WWOX: variants seen among roughly 807,000 people sequenced by gnomAD.
WWOX encodes WW domain containing oxidoreductase.
WWOX carries 69 observed loss-of-function variants against 46.2 expected under a neutral mutation model. That is an observed-to-expected ratio of 1.49 (90% confidence interval 1.23 to 1.82). The LOEUF (loss-of-function observed/expected upper bound fraction) is 1.82. Among genes scored for constraint, WWOX ranks in the 40% most tolerant of loss-of-function variants. The probability of loss-of-function intolerance (pLI) is 0.00; values close to 1 mark genes in which losing one functional copy is unlikely to be tolerated. For missense variants in WWOX, 919 were observed against 542.6 expected, an observed-to-expected ratio of 1.69 and a Z score of -6.89; for synonymous variants, 359 against 202.6, an observed-to-expected ratio of 1.77 and a Z score of -6.56.
At chr16:78,825,526 T>C (rs929595543) in intron 8 of WWOX, 3 of 519,660 alleles carry the variant, frequency 5.8e-6, no homozygotes, top group Non-Finnish European at 1.2e-5. Context: ...CCACAGGGCA[T>C]TGTAGAGCTT....
At chr16:78,570,857 G>A (rs1373306928) in intron 8 of WWOX, among the ~76,000 whole-genome samples, 2 of 152,200 alleles carry the variant, frequency 1.3e-5, no homozygotes, top group East Asian at 3.9e-4. Flanking sequence ...GCAAGCTTTG[G>A]AAAGCACGGG....
intron 8 of WWOX, among the ~76,000 whole-genome samples, chr16:78,640,087 A>AT (rs748285151): frequency 2.6e-5 from 4 of 152,326 alleles, no homozygotes; most frequent in Non-Finnish European, 5.9e-5. Flanking sequence ...GGGGTTCAAA[A>AT]TAGAAACACA....
chr16:78,993,054 T>G lies in WWOX; in HGVS notation c.1057-218554T>G, dbSNP rs997038835. On this transcript the variant is annotated intron_variant, in intron 8 of 8. Transcript: ENST00000566780. Reference sequence around the variant, plus strand: ...GCTTTTTTTCATATATAATTTTTCATATAAATGCACATTTTCCCCTTCTTT... The same window carrying G: ...GCTTTTTTTCATATATAATTTTTCAGATAAATGCACATTTTCCCCTTCTTT... 3.3e-5 allele frequency among the ~76,000 whole-genome samples: 5 copies of G among 152,306 alleles called. 1 individual carries two copies. In the South Asian group the frequency reaches 1.0e-3, roughly 32 times the overall value.
At chr16:78,569,551 T>G (rs1469161444) in intron 8 of WWOX, among the ~76,000 whole-genome samples, 1 of 152,226 alleles carries the variant, frequency 6.6e-6, no homozygotes, top group East Asian at 1.9e-4. Flanking sequence ...TGAAGCAATT[T>G]GCATGAAATT....
Position 79,146,082 on chromosome 16 carries a change from T to C in WWOX, c.1057-65526T>C, listed in dbSNP as rs138501895. ...CCGGTAGAACTTGGAATATTTCAAG[T>C]AAAGTAACATGCTGTGTTTTATCTG... On this transcript the variant is annotated intron_variant, in intron 8 of 8. Transcript: ENST00000566780. Among the ~76,000 whole-genome samples the C allele has an allele frequency of 2.2e-3, 341 of 152,364 alleles. 2 individuals are homozygous for C. The highest frequency in any genetic ancestry group is 7.7e-3 in the African/African-American group (322 of 41,588).
intron 8 of WWOX, among the ~76,000 whole-genome samples, chr16:78,788,080 C>G (rs1017204208): frequency 6.6e-6 from 1 of 152,148 alleles, no homozygotes; most frequent in Admixed American, 6.5e-5. Flanking sequence ...AACATTTTCT[C>G]TCAATCTATG....
chr16:78,992,888 C>A (rs963766664), intron 8 of WWOX, among the ~76,000 whole-genome samples: 1 of 151,944 alleles, frequency 6.6e-6, no homozygotes, highest in African/African-American at 2.4e-5. Context: ...CGCAAATTTC[C>A]AATTTTTTAG....
At chr16:78,653,841 C>T (rs1034776970) in intron 8 of WWOX, among the ~76,000 whole-genome samples, 5 of 152,178 alleles carry the variant, frequency 3.3e-5, no homozygotes, top group Non-Finnish European at 7.3e-5. Context: ...ACTTTTAGCA[C>T]CAACTTAATA....
chr16:79,144,794 A>C (rs1474896778), intron 8 of WWOX, among the ~76,000 whole-genome samples: 2 of 152,190 alleles, frequency 1.3e-5, no homozygotes, highest in African/African-American at 4.8e-5. Context: ...TATTACTTAC[A>C]ATATGATATT....
chr16:79,167,596 C>T (rs556665670), intron 8 of WWOX, among the ~76,000 whole-genome samples: 30 of 152,260 alleles, frequency 2.0e-4, no homozygotes, highest in Non-Finnish European at 3.4e-4. Context: ...CTTAAGGCAG[C>T]GAAGCGAATG....
intron 8 of WWOX, among the ~76,000 whole-genome samples, chr16:78,921,629 G>A (rs1310838424): frequency 6.6e-6 from 1 of 152,188 alleles, no homozygotes; most frequent in East Asian, 1.9e-4. Flanking sequence ...CATGGATTCT[G>A]GATGACCTAC....
At chr16:79,121,224 C>G (rs371185602) in intron 8 of WWOX, among the ~76,000 whole-genome samples, 6 of 152,186 alleles carry the variant, frequency 3.9e-5, no homozygotes, top group African/African-American at 1.4e-4. Context: ...ACATGGGTAT[C>G]CTCTGGGGCA....
intron 8 of WWOX, among the ~76,000 whole-genome samples, chr16:78,471,192 A>G (rs1357880433): frequency 6.6e-6 from 1 of 152,314 alleles, no homozygotes; most frequent in South Asian, 2.1e-4. Context: ...AATGTTGGCA[A>G]CTACAAGACA....
At chr16:78,368,915 G>A (rs938610683) in intron 5 of WWOX, among the ~76,000 whole-genome samples, 1 of 152,184 alleles carries the variant, frequency 6.6e-6, no homozygotes, top group Non-Finnish European at 1.5e-5. Context: ...CTCTGTGTCT[G>A]TGTGCGACTG....
chr16:78,441,873 CAA>C (rs1221387672), intron 8 of WWOX, among the ~76,000 whole-genome samples: 4 of 151,758 alleles, frequency 2.6e-5, no homozygotes, highest in Admixed American at 2.6e-4. Flanking sequence ...ACTAGATACT[CAA>C]TAACCATTAT....
rs550432442 is a variant in WWOX, at chr16:79,096,197, A to G, written c.1057-115411A>G. ...TCCTTTCTTTTAAGGGCCTCCTGGC[A>G]CCCAGCCATGTTGGGACCCTTTCAG... On this transcript the variant is annotated intron_variant, in intron 8 of 8. Coordinates refer to ENST00000566780, the MANE Select transcript of WWOX (RefSeq NM_016373.4). Among the ~76,000 whole-genome samples the G allele has an allele frequency of 3.9e-5, 6 of 151,912 alleles. No individual in the cohort carries two copies. The East Asian group carries it at 7.8e-4, about 20-fold the overall frequency.
intron 8 of WWOX, among the ~76,000 whole-genome samples, chr16:79,009,075 G>A (rs1432191930): frequency 2.0e-5 from 3 of 152,184 alleles, no homozygotes; most frequent in East Asian, 1.9e-4. Flanking sequence ...AGGGATCCAC[G>A]GAGCTGGCAG....
At chr16:78,302,227 C>T (rs1252209900) in intron 5 of WWOX, among the ~76,000 whole-genome samples, 4 of 152,136 alleles carry the variant, frequency 2.6e-5, no homozygotes, top group Non-Finnish European at 5.9e-5. Context: ...TCCCAAAGTG[C>T]TGGGGTTACA....
At chr16:78,361,281 G>C (rs2081405192) in intron 5 of WWOX, among the ~76,000 whole-genome samples, 1 of 152,152 alleles carries the variant, frequency 6.6e-6, no homozygotes, top group Non-Finnish European at 1.5e-5. Context: ...TATTATCTCA[G>C]GTAGAACATA....
Sources: gnomAD v4.1 joint callset for allele counts (sites outside exome capture counted in the v4.1 genomes callset) on GRCh38, gnomAD v4.1.1 for gene constraint, MANE v1.5 for transcripts, NCBI Gene and HGNC (gene_info 2026-07-23, HGNC 2026-07-21) for gene names.